Variants in ASCC3 observed in about 807,000 individuals in gnomAD.
ASCC3 encodes the protein activating signal cointegrator 1 complex subunit 3, also known as ASC-1 complex subunit P200.
ASCC3 carries 158 observed loss-of-function variants against 256.3 expected under a neutral mutation model. That is an observed-to-expected ratio of 0.62 (90% CI 0.54 to 0.70). The LOEUF is 0.70. Among genes scored for constraint, ASCC3 ranks in the 30% least tolerant of loss-of-function variants. ASCC3 has a pLI of 0.00. For synonymous variants in ASCC3, 948 were observed against 883.4 expected, an observed-to-expected ratio of 1.07 and a Z score of -1.30; for missense variants, 2,259 against 2,626.0, an observed-to-expected ratio of 0.86 and a Z score of 3.05.
rs554367277 is a variant in ASCC3 at position 100,559,546 on chromosome 6, G to A, written c.5551-19159C>T. ...TAATCCTAAGGAGACAATAGTCATT[G>A]GACGTATAAATTCTGTTACAGGGCT... On this transcript the variant is annotated intron_variant, in intron 36 of 41. Coordinates refer to ENST00000369162, the MANE Select transcript of ASCC3 (RefSeq NM_006828.4). 2.6e-5 allele frequency among the ~76,000 whole-genome samples: 4 copies of A among 152,186 alleles called. No homozygotes were observed. In the South Asian group the frequency reaches 8.3e-4, roughly 32 times the overall value.
At chr6:100,847,032 G>A (rs932058103) in intron 4 of ASCC3, among the ~76,000 whole-genome samples, 2 of 151,978 alleles carry the variant, frequency 1.3e-5, no homozygotes, top group Non-Finnish European at 2.9e-5. Context: ...AAAAAATCTA[G>A]CACAAATACT....
intron 10 of ASCC3, among the ~76,000 whole-genome samples, chr6:100,751,578 A>G (rs1308836982): frequency 6.6e-6 from 1 of 152,094 alleles, no homozygotes; most frequent in Admixed American, 6.6e-5. Flanking sequence ...AAAACACTCC[A>G]AAAGACAAAT....
chr6:100,657,910 T>C (rs1775991264), intron 16 of ASCC3, among the ~76,000 whole-genome samples: 1 of 151,568 alleles, frequency 6.6e-6, no homozygotes. Flanking sequence ...ATATTTGCTG[T>C]CACCTAGTGG....
At chr6:100,713,868 A>T (rs966752858) in intron 13 of ASCC3, among the ~76,000 whole-genome samples, 1 of 152,212 alleles carries the variant, frequency 6.6e-6, no homozygotes, top group African/African-American at 2.4e-5. Context: ...CTTGGAAATA[A>T]ATGTGCATGG....
intron 10 of ASCC3, among the ~76,000 whole-genome samples, chr6:100,750,808 T>TA (rs1780902808): frequency 6.6e-6 from 1 of 152,002 alleles, no homozygotes; most frequent in African/African-American, 2.4e-5. Flanking sequence ...GTACAGATTT[T>TA]AGTAGGTAAA....
At chr6:100,790,181 C>A (rs1656427299) in intron 8 of ASCC3, among the ~76,000 whole-genome samples, 1 of 151,912 alleles carries the variant, frequency 6.6e-6, no homozygotes, top group Admixed American at 6.6e-5. Context: ...ATCACAAAAA[C>A]CACTATACAT....
In ASCC3 at chr6:100,540,394, A is replaced by C; in HGVS notation, c.5551-7T>G. 1 of 1,607,026 alleles carries C rather than the reference A, an allele frequency of 6.2e-7. No homozygotes were observed. The highest frequency in any genetic ancestry group is 8.5e-7 in the Non-Finnish European group (1 of 1,175,402). The stretch of plus-strand genomic sequence containing the variant: ...CTGTATATTCTTCTGCATCCTGAAA[A>C]AAAAAAAAAGCCCCACATTGTTGGA... On this transcript the variant is annotated splice_polypyrimidine_tract_variant and splice_region_variant and intron_variant, in intron 36 of 41. Coordinates refer to ENST00000369162, the MANE Select transcript of ASCC3 (RefSeq NM_006828.4).
chr6:100,534,445 G>A (rs1775066725), intron 37 of ASCC3, among the ~76,000 whole-genome samples: 1 of 151,944 alleles, frequency 6.6e-6, no homozygotes, highest in African/African-American at 2.4e-5. Context: ...GCTTTTCTTT[G>A]GCATATCCAG....
At chr6:100,687,964 T>C (rs1777663654) in intron 13 of ASCC3, among the ~76,000 whole-genome samples, 1 of 151,172 alleles carries the variant, frequency 6.6e-6, no homozygotes, top group Admixed American at 6.6e-5. Flanking sequence ...TAAAAAATTA[T>C]ATACTAAGAT....
At chr6:100,806,838 A>G (rs1030616575) in intron 4 of ASCC3, among the ~76,000 whole-genome samples, 1 of 151,924 alleles carries the variant, frequency 6.6e-6, no homozygotes, top group Non-Finnish European at 1.5e-5. Context: ...TTTTAATTCT[A>G]TTGGCCAGTA....
chr6:100,638,020 G>A (rs1008599622), intron 25 of ASCC3, among the ~76,000 whole-genome samples: 2 of 152,098 alleles, frequency 1.3e-5, no homozygotes, highest in Non-Finnish European at 2.9e-5. Context: ...TTTGAAAGAC[G>A]TTCTATCGTG....
intron 36 of ASCC3, among the ~76,000 whole-genome samples, chr6:100,561,927 T>G (rs926342475): frequency 1.3e-5 from 2 of 152,132 alleles, no homozygotes; most frequent in Non-Finnish European, 2.9e-5. Flanking sequence ...ATTACAGTGC[T>G]TCTGGCAAAT....
At chr6:100,532,587 G>C (rs950703792) in intron 37 of ASCC3, among the ~76,000 whole-genome samples, 16 of 151,622 alleles carry the variant, frequency 1.1e-4, no homozygotes, top group African/African-American at 3.6e-4. Context: ...CTTTTGATAA[G>C]AGCAGATTCT....
intron 8 of ASCC3, among the ~76,000 whole-genome samples, chr6:100,775,381 A>G (rs1006605032): frequency 1.3e-5 from 2 of 152,124 alleles, no homozygotes; most frequent in African/African-American, 4.8e-5. Flanking sequence ...TTTAGAGACT[A>G]TATGAAGAAA....
chr6:100,559,283 A>G (rs1449523301), intron 36 of ASCC3, among the ~76,000 whole-genome samples: 1 of 152,182 alleles, frequency 6.6e-6, no homozygotes, highest in Non-Finnish European at 1.5e-5. Flanking sequence ...TCCAAATTAC[A>G]TTGCCTGACT....
intron 25 of ASCC3, among the ~76,000 whole-genome samples, chr6:100,632,286 A>G (rs1050863222): frequency 7.9e-5 from 12 of 151,876 alleles, no homozygotes; most frequent in Non-Finnish European, 1.8e-4. Context: ...AATCTGTACA[A>G]TGAAAACTAT....
intron 34 of ASCC3, among the ~76,000 whole-genome samples, chr6:100,600,556 C>T (rs1483218569): frequency 6.6e-6 from 1 of 152,114 alleles, no homozygotes; most frequent in Non-Finnish European, 1.5e-5. Context: ...TATTCTCAAA[C>T]TCCTATCTAA....
chr6:100,606,952 T>A lies in ASCC3; in HGVS notation c.4922A>T (p.Gln1641Leu), dbSNP rs1197174657. The A allele has an allele frequency of 6.2e-7, 1 of 1,613,414 alleles. No homozygotes were observed. The highest frequency in any genetic ancestry group is 1.7e-4 in the Middle Eastern group (1 of 6,058). The change falls in exon 31 of 42, where the codon CAG (glutamine) becomes CTG (leucine). Residue 1641 changes from glutamine to leucine, a missense_variant and splice_region_variant. Around this residue, in one of 2 missense-constraint regions of ASCC3, gnomAD observed 1,839 missense variants for 2,206.7 expected, o/e 0.83. Coordinates refer to ENST00000369162, the MANE Select transcript of ASCC3 (RefSeq NM_006828.4). ...TGTTCACTGGAGAAAAAAAAGTACC[T>A]GAACTTTACAGTTTACAAATAGTTC... ...VEELFVNCKV[Q>L]VLIATSTLAW...
chr6:100,803,418 C>T (rs1770019705), intron 5 of ASCC3, among the ~76,000 whole-genome samples: 1 of 152,136 alleles, frequency 6.6e-6, no homozygotes, highest in African/African-American at 2.4e-5. Context: ...ATATTTCTCT[C>T]TCCTGCCACC....
Sources: gnomAD v4.1 joint callset for allele counts (sites outside exome capture counted in the v4.1 genomes callset) on GRCh38, gnomAD v4.1.1 for gene constraint, gnomAD v4.1.1 regional missense constraint, MANE v1.5 for transcripts, NCBI Gene and HGNC (gene_info 2026-07-23, HGNC 2026-07-21) for gene names.